CKMT2: variants seen among roughly 807,000 people sequenced by gnomAD.
CKMT2 encodes creatine kinase S-type, mitochondrial.
In CKMT2, 43 loss-of-function variants were observed where a neutral mutation model predicts 48.9. The ratio of observed to expected loss-of-function variants is 0.88; its 90% CI spans 0.69 to 1.13. The LOEUF is 1.13. Among genes scored for constraint, CKMT2 ranks in the 50% most tolerant of loss-of-function variants. The pLI is 0.00. For missense variants in CKMT2, 472 were observed against 555.4 expected (o/e 0.85, Z 1.51); for synonymous variants, 206 against 213.0 (o/e 0.97, Z 0.29).
In CKMT2 at chr5:81,252,832, A is replaced by G. The variant is rs1756869721; in HGVS notation, c.290A>G (p.Asn97Ser). ...CAGTGCATCCAGACTGGAGTGGACAACCCTGGCCACCCCTTCATAAAGACT... is the reference window on the plus strand; with the variant it reads ...CAGTGCATCCAGACTGGAGTGGACAGCCCTGGCCACCCCTTCATAAAGACT... ...LDQCIQTGVDNPGHPFIKTVG... is the reference protein window; with the variant it reads ...LDQCIQTGVDSPGHPFIKTVG... The change falls in exon 3 of 10, where the codon AAC (asparagine) becomes AGC (serine). Residue 97 changes from asparagine to serine, a missense_variant. Coordinates refer to ENST00000254035, the MANE Select transcript of CKMT2 (RefSeq NM_001099735.2). 6.2e-7 allele frequency: 1 copy of G among 1,614,188 alleles called. No individual in the cohort carries two copies. The highest frequency in any genetic ancestry group is 8.5e-7 in the Non-Finnish European group (1 of 1,180,022).
chr5:81,233,510 C>A, intron 1 of CKMT2, 133 bp downstream of exon 1: 1 of 597,408 alleles, frequency 1.7e-6, no homozygotes, highest in Non-Finnish European at 2.1e-6. Flanking sequence ...TGCGAGGAGG[C>A]AATGGTGACT....
At position 81,244,069 on chromosome 5, in the gene CKMT2, G is replaced by A. The variant is rs569008795; in HGVS notation, c.-20-7044G>A. On this transcript the variant is annotated intron_variant, in intron 1 of 9. Transcript: ENST00000254035. ...CAAAGGAAATGTTTCCCTTTGTCCC[G>A]TTTCACACTAAACGGGTTGGGGAGG... 28 of 985,252 alleles carry A rather than the reference G, an allele frequency of 2.8e-5. No individual in the cohort carries two copies. The South Asian group carries it at 6.1e-4, about 21-fold the overall frequency. The allele number at this position is 985,252 out of a possible 1,614,324, so 61.0% of individuals were successfully genotyped here.
At chr5:81,252,659 G>A (rs772596761) in intron 2 of CKMT2, 36 bp from the exon 3 acceptor site, 32 of 1,607,282 alleles carry the variant, frequency 2.0e-5, no homozygotes, top group Non-Finnish European at 2.6e-5. Context: ...TTCCTCGGGG[G>A]CTGCTGGCTG....
At chr5:81,256,858 C>A (rs957260736) in intron 5 of CKMT2, 57 bp from the exon 6 acceptor site, 3 of 1,261,574 alleles carry the variant, frequency 2.4e-6, no homozygotes, top group Non-Finnish European at 2.3e-6. Context: ...CTGGCACTTG[C>A]AGTCCTGTTT....
Position 81,252,844 on chromosome 5 carries a change from C to A in CKMT2, c.302C>A (p.Pro101His). The change falls in exon 3 of 10, where the codon CCC becomes CAC. Residue 101 changes from proline to histidine, a missense_variant. Pro to His is a moderately conservative substitution (Grantham distance 77). Coordinates refer to ENST00000254035, the MANE Select transcript of CKMT2 (RefSeq NM_001099735.2). The part of the protein sequence containing the change: ...IQTGVDNPGH[P>H]FIKTVGMVAG... ...ACTGGAGTGGACAACCCTGGCCACC[C>A]CTTCATAAAGACTGTGGGCATGGTG... The A allele has an allele frequency of 6.2e-7, 1 of 1,614,212 alleles. No individual in the cohort carries two copies. The highest frequency in any genetic ancestry group is 8.5e-7 in the Non-Finnish European group (1 of 1,180,040).
intron 1 of CKMT2, chr5:81,239,323 TGGC>T (rs1756356017): frequency 6.6e-6 from 1 of 152,274 alleles, no homozygotes; most frequent in African/African-American, 2.4e-5. Flanking sequence ...TTAGTGACAG[TGGC>T]CCAGGATGCT....
rs1247890632 is a variant in CKMT2, at chr5:81,234,219, CA to C, written c.-21+846del. 2.0e-5 allele frequency among the ~76,000 whole-genome samples: 3 copies of C among 152,084 alleles called. No individual in the cohort carries two copies. In the South Asian group the frequency reaches 6.2e-4, roughly 32 times the overall value. ...GAAGAGTGACATTTGACAAACAGAC[CA>C]AAACCTTTAGGTCTCCTCAGTGCTG... On this transcript the variant is annotated intron_variant, in intron 1 of 9. Coordinates refer to ENST00000254035, the MANE Select transcript of CKMT2 (RefSeq NM_001099735.2).
intron 2 of CKMT2, 72 bp from the exon 3 acceptor site, chr5:81,252,623 A>C: frequency 6.6e-7 from 1 of 1,513,490 alleles, no homozygotes; most frequent in Admixed American, 1.7e-5. Context: ...AGGATGGGCA[A>C]ACAACAAGTC....
chr5:81,247,141 C>A (rs1756638319), intron 1 of CKMT2, among the ~76,000 whole-genome samples: 1 of 152,186 alleles, frequency 6.6e-6, no homozygotes, highest in Non-Finnish European at 1.5e-5. Flanking sequence ...GGTTCCTCAT[C>A]TCCTCTCCCT....
chr5:81,248,529 A>G (rs1189670818), intron 1 of CKMT2, among the ~76,000 whole-genome samples: 1 of 152,222 alleles, frequency 6.6e-6, no homozygotes, highest in East Asian at 1.9e-4. Flanking sequence ...GCCGTTATCT[A>G]TTCTTGGAGG....
intron 3 of CKMT2, 28 bp from the exon 4 acceptor site, chr5:81,254,368 G>C (rs1272792945): frequency 1.9e-6 from 3 of 1,592,072 alleles, no homozygotes; most frequent in Non-Finnish European, 2.6e-6. Flanking sequence ...ACCAGTTAAA[G>C]AGGAAACACC....
chr5:81,234,781 C>G (rs1220882520), intron 1 of CKMT2, among the ~76,000 whole-genome samples: 3 of 152,030 alleles, frequency 2.0e-5, no homozygotes, highest in Non-Finnish European at 4.4e-5. Flanking sequence ...AATGGGGAGT[C>G]CTGGGGTTTC....
chr5:81,234,268 G>C (rs1756189658), intron 1 of CKMT2, among the ~76,000 whole-genome samples: 1 of 152,136 alleles, frequency 6.6e-6, no homozygotes, highest in African/African-American at 2.4e-5. Flanking sequence ...TCCAGAAAGT[G>C]TTGCCAGGCT....
At chr5:81,261,008 CTT>C (rs918716062) in intron 8 of CKMT2, among the ~76,000 whole-genome samples, 4 of 152,184 alleles carry the variant, frequency 2.6e-5, no homozygotes, top group African/African-American at 9.6e-5. Flanking sequence ...CATCAAAAAG[CTT>C]ATCCACCAAA....
chr5:81,253,772 C>CAA (rs1580448345), intron 3 of CKMT2, among the ~76,000 whole-genome samples: 2 of 152,216 alleles, frequency 1.3e-5, no homozygotes, highest in African/African-American at 4.8e-5. Context: ...TGCTTTGTTA[C>CAA]AACTTCTTTT....
At chr5:81,248,917 C>G (rs1756703639) in intron 1 of CKMT2, among the ~76,000 whole-genome samples, 1 of 152,144 alleles carries the variant, frequency 6.6e-6, no homozygotes, top group South Asian at 2.1e-4. Flanking sequence ...GATGTTTATT[C>G]TTCACTGGAT....
chr5:81,238,247 T>A (rs375670644), intron 1 of CKMT2: 1 of 152,082 alleles, frequency 6.6e-6, no homozygotes, highest in African/African-American at 2.4e-5. Flanking sequence ...GGCAGGAGAA[T>A]GGCGTGAACC....
chr5:81,252,292 G>A (rs1274555918), intron 2 of CKMT2: 2 of 217,288 alleles, frequency 9.2e-6, no homozygotes, highest in Non-Finnish European at 9.2e-6. Context: ...CAGGATCTCT[G>A]AGGGAATCGC....
intron 5 of CKMT2, among the ~76,000 whole-genome samples, chr5:81,255,619 A>G (rs2112811528): frequency 6.6e-6 from 1 of 152,262 alleles, no homozygotes; most frequent in South Asian, 2.1e-4. Context: ...TCTAGAAAGG[A>G]AATTCCAGGT....
Sources: gnomAD v4.1 joint callset for allele counts (sites outside exome capture counted in the v4.1 genomes callset) on GRCh38, gnomAD v4.1.1 for gene constraint, MANE v1.5 for transcripts, NCBI Gene and HGNC (gene_info 2026-07-23, HGNC 2026-07-21) for gene names.